Variants in KSR1 observed in about 807,000 individuals in gnomAD.
KSR1 encodes kinase suppressor of ras 1, also known as kinase suppressor of ras.
In KSR1, 35 loss-of-function variants were observed where a neutral mutation model predicts 92.9. That is an observed-to-expected ratio of 0.38 (90% CI 0.29 to 0.50). The LOEUF is 0.50. KSR1 is among the 20% of genes least tolerant of loss of function. KSR1 has a pLI of 0.94. For synonymous variants in KSR1, 467 were observed against 472.6 expected, an observed-to-expected ratio of 0.99 and a Z score of 0.15; for missense variants, 972 against 1,158.5, an observed-to-expected ratio of 0.84 and a Z score of 2.34.
intron 5 of KSR1, chr17:27,588,188 C>T: frequency 8.1e-6 from 2 of 247,310 alleles, no homozygotes; most frequent in Non-Finnish European, 1.6e-5. Context: ...CCTTCTGCCT[C>T]TCCAGCCTGC....
intron 2 of KSR1, among the ~76,000 whole-genome samples, chr17:27,573,930 G>A (rs776442781): frequency 5.3e-5 from 8 of 152,236 alleles, no homozygotes; most frequent in Non-Finnish European, 1.0e-4. Context: ...AACTTGGTAT[G>A]GGTGAGGAGG....
In KSR1 at chr17:27,534,844, A is replaced by G. The variant is rs1203420473; in HGVS notation, c.232-15724A>G. On this transcript the variant is annotated intron_variant, in intron 1 of 20. Transcript: ENST00000644974. ...GATGTCACCTAAACCCTGCTGCAAT[A>G]TTATTCCTGGGTTTCAGGTCTGATT... Among the ~76,000 whole-genome samples the G allele has an allele frequency of 3.9e-5, 6 of 152,150 alleles. No homozygotes were observed. In the East Asian group the frequency reaches 1.2e-3, roughly 29 times the overall value.
intron 1 of KSR1, among the ~76,000 whole-genome samples, chr17:27,487,585 TTAA>T: frequency 1.4e-5 from 1 of 72,568 alleles, no homozygotes; most frequent in Admixed American, 1.7e-4. Context: ...CCCATCTCTT[TTAA>T]AAAAAAAAAA....
At chr17:27,609,778 G>T (rs1438262580) in intron 16 of KSR1, 4 of 371,042 alleles carry the variant, frequency 1.1e-5, no homozygotes, top group Non-Finnish European at 2.0e-5. Context: ...GGTTAGAGAG[G>T]CGCCTCATTC....
chr17:27,501,292 C>CTTT lies in KSR1; in HGVS notation c.231+44441_231+44443dup. On this transcript the variant is annotated intron_variant, in intron 1 of 20. Transcript: ENST00000644974. Reference sequence around the variant, plus strand: ...TTTTTTTTTTTTAATTTCTTTTCTTCTTTTTTTTTTTTTTTTTTTTTTTTT... The same window carrying CTTT: ...TTTTTTTTTTTTAATTTCTTTTCTTCTTTTTTTTTTTTTTTTTTTTTTTTTTTT... 7.7e-3 allele frequency among the ~76,000 whole-genome samples: 383 copies of CTTT among 49,762 alleles called. 5 individuals are homozygous for CTTT. Among genetic ancestry groups the CTTT allele is most frequent in the African/African-American group, 0.013 (156 of 12,252 alleles). 32.6% of individuals were successfully genotyped at this position (49,762 alleles called of 152,430 possible). A position where few individuals can be genotyped will look rare whatever the true frequency, so the allele number is the denominator to read the frequency against.
At chr17:27,605,862 C>A in intron 14 of KSR1, 49 bp downstream of exon 14, 2 of 1,602,462 alleles carry the variant, frequency 1.2e-6, no homozygotes, top group East Asian at 2.2e-5. Context: ...CAGCCTCCCC[C>A]TTCCCAGGGA....
rs556564941 is a variant in KSR1 at position 27,520,158 on chromosome 17, T to A, written c.232-30410T>A. Among the ~76,000 whole-genome samples, 5 of 152,370 alleles carry A rather than the reference T, an allele frequency of 3.3e-5. No individual in the cohort carries two copies. In the South Asian group the frequency reaches 1.0e-3, roughly 32 times the overall value. On this transcript the variant is annotated intron_variant, in intron 1 of 20. Coordinates refer to ENST00000644974, the MANE Select transcript of KSR1 (RefSeq NM_001394583.1). ...TGTTCCCATTTGACAGACACCAAAA[T>A]GAGTTTCGGAGAGTTTCTGAAACTT...
chr17:27,507,024 G>A (rs1042934416), intron 1 of KSR1, among the ~76,000 whole-genome samples: 11 of 152,178 alleles, frequency 7.2e-5, no homozygotes, highest in Admixed American at 5.9e-4. Context: ...TTTCCAATGC[G>A]GTAGCCATCA....
At chr17:27,575,409 G>A (rs1220814815) in intron 2 of KSR1, among the ~76,000 whole-genome samples, 1 of 152,166 alleles carries the variant, frequency 6.6e-6, no homozygotes, top group African/African-American at 2.4e-5. Context: ...GTGTCTTTTA[G>A]CATGCTAATG....
At chr17:27,582,092 C>CA (rs2072782636) in intron 3 of KSR1, among the ~76,000 whole-genome samples, 2 of 152,082 alleles carry the variant, frequency 1.3e-5, no homozygotes, top group Admixed American at 1.3e-4. Flanking sequence ...GAGGTCACCC[C>CA]ACTTTTGGGG....
At chr17:27,565,511 A>G (rs760893777) in intron 2 of KSR1, among the ~76,000 whole-genome samples, 4 of 152,218 alleles carry the variant, frequency 2.6e-5, no homozygotes, top group Non-Finnish European at 5.9e-5. Context: ...TGCATCCTCC[A>G]TCTTTTGGCC....
chr17:27,513,095 A>G (rs1338220847), intron 1 of KSR1, among the ~76,000 whole-genome samples: 1 of 152,152 alleles, frequency 6.6e-6, no homozygotes, highest in Non-Finnish European at 1.5e-5. Context: ...AACTTCCTAC[A>G]AGGATAATCA....
chr17:27,608,897 A>G (rs1319336160), intron 15 of KSR1, among the ~76,000 whole-genome samples: 4 of 152,170 alleles, frequency 2.6e-5, no homozygotes, highest in Admixed American at 6.5e-5. Flanking sequence ...CTCCCTGCCC[A>G]TCACCCTGTT....
In KSR1 at chr17:27,605,475, TGAG is replaced by T. The variant is rs1264857318; in HGVS notation, c.1659_1661del (p.Glu553del). 6.2e-7 allele frequency: 1 copy of T among 1,608,832 alleles called. No homozygotes were observed. The highest frequency in any genetic ancestry group is 1.3e-5 in the African/African-American group (1 of 74,872). ...CTGGCAAGTCAGAGGCAGAAGACGA[TGAG>T]GACGAGGTGGACGACTTGCCGAGCT... On this transcript the variant is annotated inframe_deletion, in exon 14 of 21. Coordinates refer to ENST00000644974, the MANE Select transcript of KSR1 (RefSeq NM_001394583.1).
Position 27,605,548 on chromosome 17 carries a change from A to G in KSR1, c.1729A>G (p.Thr577Ala), listed in dbSNP as rs1483418929. The G allele has an allele frequency of 6.3e-7, 1 of 1,594,246 alleles. No homozygotes were observed. The highest frequency in any genetic ancestry group is 1.8e-5 in the Admixed American group (1 of 56,776). Residue 577 changes from threonine (T) to alanine (A), a missense_variant, in exon 14 of 21, where the codon ACC becomes GCC. Physicochemically the swap from Thr to Ala is moderately conservative, Grantham distance 58. Around this residue, in one of 5 missense-constraint regions of KSR1, gnomAD observed 611 missense variants for 668.0 expected, o/e 0.91. Coordinates refer to ENST00000644974, the MANE Select transcript of KSR1 (RefSeq NM_001394583.1). ...RGPISRKASQ[T>A]SVYLQEWDIP... ...CCCCATCTCTCGCAAGGCCAGCCAG[A>G]CCAGCGTGTACCTGCAGGAGTGGGA...
chr17:27,554,363 C>T lies in KSR1; in HGVS notation c.372+3655C>T, dbSNP rs76472482. Reference sequence around the variant, plus strand: ...CATCCCCCAGGCCACTGACAGGTACCGGTCCACTTGGCCTCTTAGGAACTG... The same window carrying T: ...CATCCCCCAGGCCACTGACAGGTACTGGTCCACTTGGCCTCTTAGGAACTG... On this transcript the variant is annotated intron_variant, in intron 2 of 20. Transcript: ENST00000644974. 4.1e-3 allele frequency among the ~76,000 whole-genome samples: 623 copies of T among 152,328 alleles called. 5 individuals are homozygous for T. Among genetic ancestry groups the T allele is most frequent in the African/African-American group, 0.013 (542 of 41,564 alleles).
intron 1 of KSR1, among the ~76,000 whole-genome samples, chr17:27,535,891 G>A (rs1378556683): frequency 1.3e-5 from 2 of 152,218 alleles, no homozygotes; most frequent in Admixed American, 6.5e-5. Context: ...TTTCAAATGA[G>A]ACCAGAATTA....
intron 18 of KSR1, among the ~76,000 whole-genome samples, chr17:27,614,143 C>G (rs1484093223): frequency 2.0e-5 from 3 of 152,144 alleles, no homozygotes; most frequent in African/African-American, 7.2e-5. Context: ...TATCATAAAA[C>G]CTAGCTGATT....
Position 27,513,134 on chromosome 17 carries a change from T to G in KSR1, c.232-37434T>G, listed in dbSNP as rs1321108923. On this transcript the variant is annotated intron_variant, in intron 1 of 20. Transcript: ENST00000644974. ...TGTATATATTCTTTAGTGTCTGGTT[T>G]CTTTCATGCAACATTGTTGTGAAAT... is the stretch of plus-strand genomic sequence containing the variant. Among the ~76,000 whole-genome samples, 100 of 152,238 alleles carry G rather than the reference T, an allele frequency of 6.6e-4. 2 individuals are homozygous for G. The highest frequency in any genetic ancestry group is 6.5e-3 in the Admixed American group (100 of 15,282).
Sources: allele counts gnomAD v4.1 joint callset (sites outside exome capture counted in the v4.1 genomes callset), GRCh38; gene constraint gnomAD v4.1.1; regional missense constraint gnomAD v4.1.1; transcripts MANE v1.5; gene names NCBI Gene and HGNC (gene_info 2026-07-23, HGNC 2026-07-21).